Variants in SCN8A observed in about 807,000 individuals in gnomAD.
The protein encoded by SCN8A is sodium channel protein type 8 subunit alpha.
SCN8A carries 30 observed loss-of-function variants against 184.1 expected under a neutral mutation model. The observed-to-expected ratio is 0.16, with a 90% CI of 0.12 to 0.22. The LOEUF (loss-of-function observed/expected upper bound fraction) is 0.22, where lower values mean the gene tolerates loss of function less well. SCN8A is among the 10% of genes least tolerant of loss of function. SCN8A has a pLI of 1.00. For missense variants in SCN8A, 1,057 were observed against 2,498.9 expected (o/e 0.42, Z 12.30); for synonymous variants, 852 against 907.0 (o/e 0.94, Z 1.09).
chr12:51,730,292 T>C (rs1200917894), intron 12 of SCN8A, among the ~76,000 whole-genome samples: 2 of 152,222 alleles, frequency 1.3e-5, no homozygotes, highest in Admixed American at 1.3e-4. Context: ...AGACTTTCCT[T>C]TCTCCATTGA....
chr12:51,666,825 A>C (rs1428236598), intron 2 of SCN8A, among the ~76,000 whole-genome samples: 1 of 152,134 alleles, frequency 6.6e-6, no homozygotes, highest in Non-Finnish European at 1.5e-5. Context: ...CGTTTTCGAG[A>C]TACTGTTATT....
intron 12 of SCN8A, among the ~76,000 whole-genome samples, chr12:51,731,543 G>A (rs192273648): frequency 3.4e-4 from 51 of 152,226 alleles, no homozygotes; most frequent in African/African-American, 1.0e-3. Flanking sequence ...GAGCCACCAC[G>A]CCCGACTGGA....
intron 1 of SCN8A, among the ~76,000 whole-genome samples, chr12:51,640,237 TTTTTTTTTTTTTTTTTA>T (rs1940422170): frequency 1.6e-5 from 2 of 127,426 alleles, no homozygotes. Context: ...TTTTTTTTTT[TTTTTTTTTTTTTTTTTA>T]AGACAGTGCT....
intron 11 of SCN8A, among the ~76,000 whole-genome samples, chr12:51,719,815 G>A (rs1290244051): frequency 2.0e-5 from 3 of 152,054 alleles, no homozygotes; most frequent in Admixed American, 1.3e-4. Context: ...GGTGGCTCAC[G>A]CCTGTAATCC....
At chr12:51,662,711 C>T (rs1366579412) in intron 1 of SCN8A, 53 bp from the exon 2 acceptor site, 2 of 1,141,912 alleles carry the variant, frequency 1.8e-6, no homozygotes, top group East Asian at 2.4e-5. Context: ...TTAGTCTGGC[C>T]TCTTTTTAGA....
Position 51,706,669 on chromosome 12 carries a change from G to A in SCN8A, c.1589G>A (p.Arg530Gln), listed in dbSNP as rs771976211. Residue 530 changes from arginine (R) to glutamine (Q), a missense_variant, in exon 11 of 27, where the codon CGG becomes CAG. Transcript: ENST00000627620. ...GATGGCATGAGAAGGAAGGCCTTTC[G>A]GCTGCCAGACAACAGAATAGGGAGG... ...SEDGMRRKAF[R>Q]LPDNRIGRKF... 9 of 1,595,342 alleles carry A rather than the reference G, an allele frequency of 5.6e-6. No homozygotes were observed. The highest frequency in any genetic ancestry group is 2.2e-5 in the East Asian group (1 of 44,586).
chr12:51,671,696 T>C (rs1291214973), intron 2 of SCN8A, among the ~76,000 whole-genome samples: 2 of 152,218 alleles, frequency 1.3e-5, no homozygotes, highest in Non-Finnish European at 2.9e-5. Flanking sequence ...GAAAACTGTG[T>C]TATTATTTTA....
intron 14 of SCN8A, among the ~76,000 whole-genome samples, chr12:51,752,236 G>T (rs997879449): frequency 4.6e-5 from 7 of 152,178 alleles, no homozygotes; most frequent in African/African-American, 1.7e-4. Flanking sequence ...GGAGTTAATT[G>T]AATTTTGATA....
intron 20 of SCN8A, chr12:51,780,406 T>A (rs756478421): frequency 2.6e-6 from 1 of 389,750 alleles, no homozygotes; most frequent in Non-Finnish European, 4.7e-6. Context: ...TCTTCCCTGT[T>A]GTTTTTTCTT....
rs574382050 is a variant in SCN8A at position 51,769,335 on chromosome 12, T to G, written c.3372T>G (p.Asp1124Glu). 3 of 1,576,374 alleles carry G rather than the reference T, an allele frequency of 1.9e-6. No individual in the cohort carries two copies. In the African/African-American group the frequency reaches 4.0e-5, roughly 21 times the overall value. The change falls in exon 17 of 27, where the codon GAT (aspartate) becomes GAG (glutamate). Residue 1124 changes from aspartate to glutamate, a missense_variant and splice_region_variant. By Grantham distance (45) the Asp-to-Glu change is conservative. Around this residue, in one of 19 missense-constraint regions of SCN8A, gnomAD observed 178 missense variants for 259.6 expected, o/e 0.69. Coordinates refer to ENST00000627620, the MANE Select transcript of SCN8A (RefSeq NM_001330260.2). ...SSESDPEGSK[D>E]KLDDTSSSEG... ...AGTCGGATCCTGAAGGCAGCAAAGA[T>G]GTAAGGTCCCAGCCTAGAAACAGCC...
At position 51,810,118 on chromosome 12, in the gene SCN8A, C is replaced by A. The variant is rs1938841780; in HGVS notation, c.*2689C>A. 1.6e-5 allele frequency: 3 copies of A among 183,788 alleles called. No individual in the cohort carries two copies. Among genetic ancestry groups the A allele is most frequent in the African/African-American group, 4.8e-5 (2 of 41,978 alleles). The allele number at this position is 183,788 out of a possible 1,614,324, so 11.4% of individuals were successfully genotyped here. A position where few individuals can be genotyped will look rare whatever the true frequency, so the allele number is the denominator to read the frequency against. On this transcript the variant is annotated 3_prime_UTR_variant, in exon 27 of 27. Transcript: ENST00000627620. ...GTGATGAGATTTTTCTGAGATCTAA[C>A]CGTTTCCCTCCGCTAGCTCCTGACC...
intron 6 of SCN8A, chr12:51,690,020 G>A (rs753272139): frequency 6.6e-6 from 1 of 152,152 alleles, no homozygotes; most frequent in Non-Finnish European, 1.5e-5. Flanking sequence ...TGGACCCCAG[G>A]TTAAGATTCC....
chr12:51,643,858 G>A (rs1940506805), intron 1 of SCN8A, among the ~76,000 whole-genome samples: 1 of 152,184 alleles, frequency 6.6e-6, no homozygotes, highest in Non-Finnish European at 1.5e-5. Flanking sequence ...TTAGGAGAGT[G>A]TATCCTGATA....
intron 19 of SCN8A, 76 bp from the exon 20 acceptor site, chr12:51,774,113 C>G: frequency 7.1e-7 from 1 of 1,405,134 alleles, no homozygotes; most frequent in Non-Finnish European, 9.8e-7. Flanking sequence ...TGGGACGGCT[C>G]CCTGAGGATA....
intron 12 of SCN8A, among the ~76,000 whole-genome samples, chr12:51,728,192 A>G (rs1415182309): frequency 2.0e-5 from 3 of 152,174 alleles, no homozygotes; most frequent in Non-Finnish European, 2.9e-5. Flanking sequence ...TGGTGAATAT[A>G]TGTTTGCCCT....
At chr12:51,804,138 T>G (rs1938626567) in intron 26 of SCN8A, among the ~76,000 whole-genome samples, 1 of 152,216 alleles carries the variant, frequency 6.6e-6, no homozygotes, top group Non-Finnish European at 1.5e-5. Flanking sequence ...CTTCCTTCTG[T>G]GGCCCCTCAT....
chr12:51,784,950 T>C (rs755590500), intron 21 of SCN8A, among the ~76,000 whole-genome samples: 13 of 152,222 alleles, frequency 8.5e-5, no homozygotes, highest in African/African-American at 2.4e-5. Context: ...GTGCCACATT[T>C]GTAATGGTCT....
At chr12:51,753,819 C>A (rs1942632276) in intron 14 of SCN8A, among the ~76,000 whole-genome samples, 1 of 151,976 alleles carries the variant, frequency 6.6e-6, no homozygotes. Context: ...TAGTATAATT[C>A]AATAGGAGAA....
chr12:51,635,469 T>TTGAA (rs10585550), intron 1 of SCN8A, among the ~76,000 whole-genome samples: 9 of 151,470 alleles, frequency 5.9e-5, no homozygotes, highest in Non-Finnish European at 1.0e-4. Context: ...TAAATAATTC[T>TTGAA]TGAATGAATG....
Sources: allele counts gnomAD v4.1 joint callset (sites outside exome capture counted in the v4.1 genomes callset), GRCh38; gene constraint gnomAD v4.1.1; regional missense constraint gnomAD v4.1.1; transcripts MANE v1.5; gene names NCBI Gene and HGNC (gene_info 2026-07-23, HGNC 2026-07-21).